The following CNTRL variants were observed in gnomAD, a reference collection of about 807,000 sequenced individuals.
CNTRL encodes centriolin.
CNTRL carries 233 observed loss-of-function variants against 303.7 expected under a neutral mutation model. The ratio of observed to expected loss-of-function variants is 0.77; its 90% CI spans 0.69 to 0.86. The LOEUF (loss-of-function observed/expected upper bound fraction) is 0.86. Among genes scored for constraint, CNTRL ranks in the 40% least tolerant of loss-of-function variants. The pLI is 0.00. For synonymous variants in CNTRL, 900 were observed against 922.2 expected (o/e 0.98, Z 0.44); for missense variants, 2,524 against 2,650.6 (o/e 0.95, Z 1.05).
intron 10 of CNTRL, 67 bp from the exon 11 acceptor site, chr9:121,115,024 G>A (rs968997314): frequency 1.0e-6 from 1 of 972,754 alleles, no homozygotes; most frequent in African/African-American, 1.7e-5. Flanking sequence ...AGAATACCTG[G>A]TTGAAATTTC....
At chr9:121,104,456 A>G (rs1438784854) in intron 7 of CNTRL, among the ~76,000 whole-genome samples, 2 of 152,180 alleles carry the variant, frequency 1.3e-5, no homozygotes, top group African/African-American at 4.8e-5. Context: ...GCACACCAAC[A>G]TGGCACGTGT....
intron 22 of CNTRL, 26 bp downstream of exon 22, chr9:121,145,411 G>A (rs940234648): frequency 6.3e-7 from 1 of 1,575,968 alleles, no homozygotes; most frequent in Non-Finnish European, 8.6e-7. Flanking sequence ...TTGATTTTTG[G>A]CAGTGGTTTT....
At chr9:121,172,217 T>C (rs529727443) in intron 40 of CNTRL, among the ~76,000 whole-genome samples, 2 of 152,350 alleles carry the variant, frequency 1.3e-5, no homozygotes, top group African/African-American at 4.8e-5. Flanking sequence ...CACAAGCCCT[T>C]AGTGATTTTG....
In CNTRL at chr9:121,135,791, A is replaced by G. The variant is rs377269763; in HGVS notation, c.2026-15A>G. The stretch of plus-strand genomic sequence containing the variant: ...CAGTGAGGGTTCCATAGTTAAACCC[A>G]CTGAATCTTTCTAGGAGCTTGCAGA... On this transcript the variant is annotated splice_polypyrimidine_tract_variant and intron_variant, in intron 14 of 43. Transcript: ENST00000373855. 1.9e-6 allele frequency: 3 copies of G among 1,597,058 alleles called. No homozygotes were observed. Among genetic ancestry groups the G allele is most frequent in the African/African-American group, 2.7e-5 (2 of 74,202 alleles).
intron 6 of CNTRL, among the ~76,000 whole-genome samples, chr9:121,096,998 A>C (rs570379597): frequency 6.6e-6 from 1 of 151,614 alleles, no homozygotes; most frequent in South Asian, 2.1e-4. Flanking sequence ...ATTAACTTCC[A>C]ATTTCAAATT....
At chr9:121,170,176 G>C (rs964221272) in intron 39 of CNTRL, among the ~76,000 whole-genome samples, 5 of 152,180 alleles carry the variant, frequency 3.3e-5, no homozygotes, top group Non-Finnish European at 5.9e-5. Flanking sequence ...ATGGCATCTT[G>C]CTTTGTCTCC....
In CNTRL at chr9:121,116,354, G is replaced by T. The variant is rs556251095; in HGVS notation, c.1455+1154G>T. On this transcript the variant is annotated intron_variant, in intron 11 of 43. Coordinates refer to ENST00000373855, the MANE Select transcript of CNTRL (RefSeq NM_007018.6). ...GTCTTGAGGTTAAAGATCATGCCAG[G>T]CTTCATAGGCATTTTTTTATTTTTT... 2.6e-5 allele frequency among the ~76,000 whole-genome samples: 4 copies of T among 152,236 alleles called. No homozygotes were observed. In the East Asian group the frequency reaches 7.7e-4, roughly 29 times the overall value.
Position 121,175,104 on chromosome 9 carries a change from G to C in CNTRL, c.6834G>C (p.Arg2278Ser), listed in dbSNP as rs1246817147. The part of the protein sequence containing the change: ...RQTEGTLHSL[R>S]RQVDALGELV... Reference sequence around the variant, plus strand: ...CAGAGGGCACTTTACACAGTTTGAGGAGACAAGTAGATGCTTTAGGGGAAT... The same window carrying C: ...CAGAGGGCACTTTACACAGTTTGAGCAGACAAGTAGATGCTTTAGGGGAAT... Residue 2278 changes from arginine to serine, a missense_variant, in exon 43 of 44, where the codon AGG becomes AGC. Physicochemically the swap from Arg to Ser is moderately radical, Grantham distance 110. Transcript: ENST00000373855. The C allele has an allele frequency of 7.4e-6, 12 of 1,614,040 alleles. No homozygotes were observed. Among genetic ancestry groups the C allele is most frequent in the Non-Finnish European group, 1.0e-5 (12 of 1,180,008 alleles).
intron 12 of CNTRL, 181 bp downstream of exon 12, chr9:121,118,721 C>T: frequency 2.2e-6 from 1 of 452,790 alleles, no homozygotes; most frequent in South Asian, 5.5e-5. Context: ...ATTTAACCAA[C>T]TGCAGATCAC....
rs567778446 is a variant in CNTRL, at chr9:121,099,292, T to C, written c.808+720T>C. ...ACTGGTGATACCCAGGCAAACAGGG[T>C]CTGGAGTGGACCTCCAGCGAACTCC... is the stretch of plus-strand genomic sequence containing the variant. On this transcript the variant is annotated intron_variant, in intron 7 of 43. Coordinates refer to ENST00000373855, the MANE Select transcript of CNTRL (RefSeq NM_007018.6). 7.2e-5 allele frequency among the ~76,000 whole-genome samples: 11 copies of C among 152,198 alleles called. No individual in the cohort carries two copies. In the East Asian group the frequency reaches 2.1e-3, roughly 29 times the overall value.
At chr9:121,155,115 T>C (rs2134350511) in intron 27 of CNTRL, among the ~76,000 whole-genome samples, 1 of 152,344 alleles carries the variant, frequency 6.6e-6, no homozygotes, top group African/African-American at 2.4e-5. Context: ...GCTTTTCTTA[T>C]CTATAAATTC....
In CNTRL at chr9:121,074,996, C is replaced by T. The variant is rs920425582; in HGVS notation, c.-276C>T. On this transcript the variant is annotated 5_prime_UTR_variant, in exon 1 of 44. Transcript: ENST00000373855. ...CAAAATGGCTGCCGCGCCGCTGGGCCCCTGAGGAAAGAGCCCGAACTTCTC... is the reference window on the plus strand; with the variant it reads ...CAAAATGGCTGCCGCGCCGCTGGGCTCCTGAGGAAAGAGCCCGAACTTCTC... 2.2e-6 allele frequency: 1 copy of T among 455,372 alleles called. No homozygotes were observed. Among genetic ancestry groups the T allele is most frequent in the South Asian group, 1.6e-5 (1 of 64,496 alleles). 28.2% of individuals were successfully genotyped at this position (455,372 alleles called of 1,614,324 possible). A position where few individuals can be genotyped will look rare whatever the true frequency, so the allele number is the denominator to read the frequency against.
chr9:121,109,916 G>T (rs996772794), intron 8 of CNTRL, among the ~76,000 whole-genome samples: 4 of 151,948 alleles, frequency 2.6e-5, no homozygotes, highest in Non-Finnish European at 5.9e-5. Context: ...TATTGGTTTT[G>T]CCTATTATCT....
At chr9:121,139,241 A>T (rs1284442104) in intron 16 of CNTRL, among the ~76,000 whole-genome samples, 2 of 152,202 alleles carry the variant, frequency 1.3e-5, no homozygotes, top group Non-Finnish European at 2.9e-5. Flanking sequence ...AAACAGGTGG[A>T]TAGGATTTTT....
intron 1 of CNTRL, among the ~76,000 whole-genome samples, chr9:121,079,806 A>T (rs910939858): frequency 5.9e-5 from 9 of 152,210 alleles, no homozygotes; most frequent in African/African-American, 2.2e-4. Context: ...GAGAGACCGG[A>T]TCATGATATC....
chr9:121,172,335 T>G (rs1330488093), intron 40 of CNTRL, among the ~76,000 whole-genome samples: 2 of 152,184 alleles, frequency 1.3e-5, no homozygotes, highest in African/African-American at 4.8e-5. Flanking sequence ...CAAATGCAGT[T>G]GGTAACACTT....
intron 23 of CNTRL, among the ~76,000 whole-genome samples, chr9:121,147,262 C>T (rs1269447846): frequency 6.6e-6 from 1 of 152,180 alleles, no homozygotes; most frequent in Non-Finnish European, 1.5e-5. Flanking sequence ...CTTGGCCTCC[C>T]AAAGTTCTGG....
At chr9:121,158,130 A>G in intron 30 of CNTRL, 21 bp downstream of exon 30, 1 of 1,611,452 alleles carries the variant, frequency 6.2e-7, no homozygotes, top group Non-Finnish European at 8.5e-7. Context: ...AGACACCTTG[A>G]AAAAACAACT....
intron 23 of CNTRL, among the ~76,000 whole-genome samples, chr9:121,146,890 G>A (rs1023870972): frequency 3.9e-5 from 6 of 152,236 alleles, no homozygotes; most frequent in Non-Finnish European, 7.3e-5. Context: ...GAAACAGCTC[G>A]TATGGAAGAG....
Sources: gnomAD v4.1 joint callset for allele counts (sites outside exome capture counted in the v4.1 genomes callset) on GRCh38, gnomAD v4.1.1 for gene constraint, MANE v1.5 for transcripts, NCBI Gene and HGNC (gene_info 2026-07-23, HGNC 2026-07-21) for gene names.